SREBF2: variants seen among roughly 807,000 people sequenced by gnomAD.
SREBF2 encodes the protein sterol regulatory element binding transcription factor 2.
SREBF2 carries 55 observed loss-of-function variants against 113.1 expected under a neutral mutation model. The ratio of observed to expected loss-of-function variants is 0.49; its 90% confidence interval spans 0.39 to 0.61. The LOEUF is 0.61. SREBF2 is among the 20% of genes least tolerant of loss of function. The pLI, the probability that SREBF2 is intolerant of heterozygous loss-of-function variation, is 0.00. For missense variants in SREBF2, 1,349 were observed against 1,487.4 expected, an observed-to-expected ratio of 0.91 and a Z score of 1.53; for synonymous variants, 593 against 605.7, an observed-to-expected ratio of 0.98 and a Z score of 0.31.
intron 7 of SREBF2, among the ~76,000 whole-genome samples, chr22:41,876,452 C>CATATAA: frequency 6.6e-6 from 1 of 152,148 alleles, no homozygotes; most frequent in East Asian, 1.9e-4. Context: ...GGCTGTTTGA[C>CATATAA]ATATAAATTG....
intron 7 of SREBF2, 78 bp from the exon 8 acceptor site, chr22:41,877,151 A>AATAT (rs536960705): frequency 2.2e-6 from 3 of 1,381,554 alleles, no homozygotes; most frequent in Non-Finnish European, 3.1e-6. Flanking sequence ...ACCATTTCTC[A>AATAT]ATATATATAT....
At chr22:41,837,572 A>ATT (rs2076788620) in intron 1 of SREBF2, among the ~76,000 whole-genome samples, 1 of 143,342 alleles carries the variant, frequency 7.0e-6, no homozygotes. Flanking sequence ...AAAAAAAAAA[A>ATT]AAAATGCTGG....
intron 1 of SREBF2, among the ~76,000 whole-genome samples, chr22:41,866,230 A>G (rs2077073168): frequency 2.0e-5 from 3 of 152,182 alleles, no homozygotes; most frequent in Non-Finnish European, 4.4e-5. Context: ...GTACAAAGGT[A>G]GTTCCTTTTA....
At chr22:41,898,861 G>T in intron 15 of SREBF2, 80 bp downstream of exon 15, 1 of 1,579,396 alleles carries the variant, frequency 6.3e-7, no homozygotes, top group Non-Finnish European at 8.6e-7. Context: ...ACTGGACTGG[G>T]TGGGCGTGTT....
Position 41,905,839 on chromosome 22 carries a change from A to C in SREBF2, c.*179A>C. 1 of 766,600 alleles carries C rather than the reference A, an allele frequency of 1.3e-6. No homozygotes were observed. The highest frequency in any genetic ancestry group is 2.3e-6 in the Non-Finnish European group (1 of 439,568). 47.5% of individuals were successfully genotyped at this position (766,600 alleles called of 1,614,324 possible). A position where few individuals can be genotyped will look rare whatever the true frequency, so the allele number is the denominator to read the frequency against. ...AGCCCCTTAAAGCTGCTGTCACTAG[A>C]TGCCCATGGTCCAGGGCCTGGTGGG... On this transcript the variant is annotated 3_prime_UTR_variant, in exon 19 of 19. Transcript: ENST00000361204.
Position 41,897,845 on chromosome 22 carries a change from G to T in SREBF2, c.2605+684G>T, listed in dbSNP as rs762661536. Among the ~76,000 whole-genome samples, 46 of 152,160 alleles carry T rather than the reference G, an allele frequency of 3.0e-4. 2 individuals carry two copies. The highest frequency in any genetic ancestry group is 8.8e-5 in the Non-Finnish European group (6 of 68,034). On this transcript the variant is annotated intron_variant, in intron 14 of 18. Coordinates refer to ENST00000361204, the MANE Select transcript of SREBF2 (RefSeq NM_004599.4). ...AGTTTAGGGAAGCATGACCATCCCCGCTGGTTTTGTGGGATCACTACTGTC... is the reference window on the plus strand; with the variant it reads ...AGTTTAGGGAAGCATGACCATCCCCTCTGGTTTTGTGGGATCACTACTGTC...
At chr22:41,864,261 T>TATACACACACAC (rs1204150898) in intron 1 of SREBF2, among the ~76,000 whole-genome samples, 29 of 50,994 alleles carry the variant, frequency 5.7e-4, no homozygotes, top group Non-Finnish European at 7.5e-4. Context: ...TATATATATA[T>TATACACACACAC]ACACACACAC....
Position 41,868,517 on chromosome 22 carries a change from CATT to C in SREBF2, c.539-91_539-89del, listed in dbSNP as rs1232835606. On this transcript the variant is annotated intron_variant, in intron 2 of 18. Coordinates refer to ENST00000361204, the MANE Select transcript of SREBF2 (RefSeq NM_004599.4). The stretch of plus-strand genomic sequence containing the variant: ...TCAGCAGTAGGTGGGGAGTTGGAAT[CATT>C]ATGAGATACTCCATCCTCAGGTTTC... The C allele has an allele frequency of 7.8e-6, 11 of 1,413,686 alleles. No individual in the cohort carries two copies. The Admixed American group carries it at 1.2e-4, about 15-fold the overall frequency. The allele number at this position is 1,413,686 out of a possible 1,614,324, so 87.6% of individuals were successfully genotyped here. A position where few individuals can be genotyped will look rare whatever the true frequency, so the allele number is the denominator to read the frequency against.
intron 17 of SREBF2, among the ~76,000 whole-genome samples, chr22:41,903,464 A>C (rs1317791088): frequency 6.6e-6 from 1 of 152,150 alleles, no homozygotes; most frequent in Non-Finnish European, 1.5e-5. Flanking sequence ...GCTGGGTGGG[A>C]GGGCTCTGAG....
At chr22:41,864,422 T>G (rs1451531733) in intron 1 of SREBF2, among the ~76,000 whole-genome samples, 7 of 144,950 alleles carry the variant, frequency 4.8e-5, no homozygotes, top group Middle Eastern at 6.6e-3. Flanking sequence ...CCGGGTTCAC[T>G]CCATTCTCCT....
intron 1 of SREBF2, among the ~76,000 whole-genome samples, chr22:41,855,521 C>A (rs1314593948): frequency 6.6e-6 from 1 of 150,702 alleles, no homozygotes; most frequent in East Asian, 1.9e-4. Flanking sequence ...GACTCTGGCT[C>A]AAAAAAAACG....
chr22:41,853,903 C>T (rs868795665), intron 1 of SREBF2, among the ~76,000 whole-genome samples: 5 of 151,616 alleles, frequency 3.3e-5, no homozygotes, highest in African/African-American at 9.7e-5. Flanking sequence ...GGCGTGGTGG[C>T]GGGCGCCTGT....
intron 3 of SREBF2, among the ~76,000 whole-genome samples, chr22:41,869,535 G>A (rs184870904): frequency 1.3e-5 from 2 of 151,046 alleles, no homozygotes; most frequent in East Asian, 3.9e-4. Flanking sequence ...CCAGGTTGGA[G>A]TGCAGTGGCG....
chr22:41,874,891 G>A (rs762536772), intron 5 of SREBF2, among the ~76,000 whole-genome samples: 3 of 151,800 alleles, frequency 2.0e-5, no homozygotes, highest in Non-Finnish European at 4.4e-5. Flanking sequence ...TGGGCAACAA[G>A]AGTGAAACTC....
chr22:41,852,745 T>G (rs1423758156), intron 1 of SREBF2, among the ~76,000 whole-genome samples: 9 of 141,430 alleles, frequency 6.4e-5, no homozygotes, highest in Non-Finnish European at 1.1e-4. Context: ...TTTTTTTTTT[T>G]TTTTTTTTTT....
At chr22:41,869,731 G>A (rs537844494) in intron 3 of SREBF2, among the ~76,000 whole-genome samples, 11 of 151,368 alleles carry the variant, frequency 7.3e-5, no homozygotes, top group African/African-American at 2.4e-4. Context: ...ACAGTGCATC[G>A]ATCTCGGCCT....
intron 3 of SREBF2, among the ~76,000 whole-genome samples, chr22:41,870,654 C>G (rs888193690): frequency 2.8e-5 from 4 of 144,492 alleles, no homozygotes; most frequent in African/African-American, 1.0e-4. Flanking sequence ...AAAAAAAAGC[C>G]AGGACCCTCA....
intron 14 of SREBF2, among the ~76,000 whole-genome samples, chr22:41,897,581 C>G (rs1469563157): frequency 6.6e-6 from 1 of 152,230 alleles, no homozygotes; most frequent in African/African-American, 2.4e-5. Flanking sequence ...TCCTCAGCCC[C>G]TCATCACATC....
chr22:41,858,535 G>T (rs1294081996), intron 1 of SREBF2, among the ~76,000 whole-genome samples: 2 of 152,110 alleles, frequency 1.3e-5, no homozygotes, highest in Non-Finnish European at 1.5e-5. Flanking sequence ...ATGAGGCAGG[G>T]AGTTCAAGAC....
Sources: gnomAD v4.1 joint callset for allele counts (sites outside exome capture counted in the v4.1 genomes callset) on GRCh38, gnomAD v4.1.1 for gene constraint, MANE v1.5 for transcripts, NCBI Gene and HGNC (gene_info 2026-07-23, HGNC 2026-07-21) for gene names.